HSP90AB1: variants seen among roughly 807,000 people sequenced by gnomAD.
The protein encoded by HSP90AB1 is heat shock protein HSP 90-beta.
A neutral mutation model predicts 67.8 loss-of-function variants in HSP90AB1; 17 were observed. The observed-to-expected ratio is 0.25, with a 90% CI of 0.17 to 0.38. HSP90AB1 has a LOEUF of 0.38. Among genes scored for constraint, HSP90AB1 ranks in the 10% least tolerant of loss-of-function variants. The probability of loss-of-function intolerance (pLI) is 1.00; values close to 1 mark genes in which losing one functional copy is unlikely to be tolerated. For missense variants in HSP90AB1, 690 were observed against 899.9 expected (o/e 0.77, Z 2.98); for synonymous variants, 390 against 312.9 (o/e 1.25, Z -2.60).
In HSP90AB1 at chr6:44,251,258, G is replaced by A. The variant is rs777006494; in HGVS notation, c.1123+45G>A. Reference sequence around the variant, plus strand: ...AATTTAGTTGGGTGAAGTCTTGGGAGGTTTTAGGCATTCTGCTAGGATATT... The same window carrying A: ...AATTTAGTTGGGTGAAGTCTTGGGAAGTTTTAGGCATTCTGCTAGGATATT... On this transcript the variant is annotated intron_variant, in intron 7 of 11. Transcript: ENST00000371646. 6.9e-6 allele frequency: 11 copies of A among 1,601,320 alleles called. No homozygotes were observed. The African/African-American group carries it at 1.1e-4, about 16-fold the overall frequency.
intron 4 of HSP90AB1, 66 bp from the exon 5 acceptor site, chr6:44,249,955 A>G (rs1424306803): frequency 1.3e-6 from 2 of 1,595,490 alleles, no homozygotes; most frequent in African/African-American, 1.3e-5. Flanking sequence ...GCTGATACTT[A>G]CTAATTGCTG....
Position 44,250,012 on chromosome 6 carries a change from C to T in HSP90AB1, c.515-9C>T, listed in dbSNP as rs34093450. The T allele has an allele frequency of 8.8e-3, 14,224 of 1,613,944 alleles. 968 individuals are homozygous for T. The African/African-American group carries it at 0.15, about 17-fold the overall frequency. ...TACCCTGTTACACGCTTGTAATTGA[C>T]TCTTCTAGGTGAGCCCATTGGCAGG... On this transcript the variant is annotated splice_polypyrimidine_tract_variant and intron_variant, in intron 4 of 11. Coordinates refer to ENST00000371646, the MANE Select transcript of HSP90AB1 (RefSeq NM_007355.4).
rs1780284900 is a variant in HSP90AB1, at chr6:44,248,797, AT to A, written c.147+24del. ...CTGATGTAGGTGCTCTGGTTTCCAC[AT>A]TTGGCATGGTTTTTTTTTTTGATAC... On this transcript the variant is annotated intron_variant, in intron 2 of 11. Transcript: ENST00000371646. 1.9e-6 allele frequency: 3 copies of A among 1,538,554 alleles called. No homozygotes were observed. In the East Asian group the frequency reaches 6.8e-5, roughly 35 times the overall value.
At chr6:44,249,893 T>C (rs550912177) in intron 4 of HSP90AB1, 59 bp downstream of exon 4, 2 of 1,589,262 alleles carry the variant, frequency 1.3e-6, no homozygotes, top group East Asian at 4.5e-5. Context: ...CTCACACCAG[T>C]AGCAGAAATT....
In HSP90AB1 at chr6:44,250,355, A is replaced by T. The variant is rs1780487278; in HGVS notation, c.713A>T (p.Glu238Val). 5 of 1,613,710 alleles carry T rather than the reference A, an allele frequency of 3.1e-6. No homozygotes were observed. Among genetic ancestry groups the T allele is most frequent in the Non-Finnish European group, 4.2e-6 (5 of 1,179,758 alleles). ...GCAGAGGAAGAGAAAGGTGAGAAAG[A>T]AGAGGAAGATAAAGATGATGAAGAA... Reference protein sequence around the residue: ...DEAEEEKGEKEEEDKDDEEKP... With the variant: ...DEAEEEKGEKVEEDKDDEEKP... Residue 238 changes from glutamate (E) to valine (V), a missense_variant, in exon 6 of 12, where the codon GAA (glutamate) becomes GTA (valine). Physicochemically the swap from Glu to Val is moderately radical, Grantham distance 121. This residue lies in a region of HSP90AB1 where 146 missense variants were observed against 143.7 expected (regional missense o/e 1.02). Coordinates refer to ENST00000371646, the MANE Select transcript of HSP90AB1 (RefSeq NM_007355.4).
chr6:44,247,907 CCCT>C (rs1210801497), intron 1 of HSP90AB1: 8 of 152,250 alleles, frequency 5.3e-5, no homozygotes, highest in African/African-American at 1.9e-4. Context: ...CTGCGGCGCC[CCCT>C]CCTCGCGTGG....
At position 44,249,524 on chromosome 6, in the gene HSP90AB1, A is replaced by G. The variant is rs765391115; in HGVS notation, c.295A>G (p.Ile99Val). 5.6e-6 allele frequency: 9 copies of G among 1,610,812 alleles called. No homozygotes were observed. The East Asian group carries it at 1.3e-4, about 24-fold the overall frequency. ...CATTGGCATGACCAAAGCTGATCTC[A>G]TAAATAATTTGGGAACCATTGCCAA... ...TGIGMTKADL[I>V]NNLGTIAKSG... Residue 99 changes from isoleucine to valine, a missense_variant, in exon 3 of 12, where the codon ATA becomes GTA. By Grantham distance (29) the Ile-to-Val change is conservative. Around this residue, in one of 7 missense-constraint regions of HSP90AB1, gnomAD observed 88 missense variants for 167.7 expected, o/e 0.52. Transcript: ENST00000371646.
chr6:44,252,992 T>A, intron 10 of HSP90AB1, 53 bp from the exon 11 acceptor site: 2 of 1,480,290 alleles, frequency 1.4e-6, no homozygotes, highest in Non-Finnish European at 1.9e-6. Flanking sequence ...ACAATGCCTG[T>A]TTTCTCTTTC....
chr6:44,253,388 T>C lies in HSP90AB1; in HGVS notation c.2065+10T>C. ...ATCAAGCTAGGTCTAGGTAAGTAGC[T>C]TTGGTACTTGGTGTGGCAAGGAGTT... On this transcript the variant is annotated intron_variant, in intron 11 of 11. Transcript: ENST00000371646. 1 of 1,610,140 alleles carries C rather than the reference T, an allele frequency of 6.2e-7. No individual in the cohort carries two copies. Among genetic ancestry groups the C allele is most frequent in the East Asian group, 2.2e-5 (1 of 44,838 alleles).
chr6:44,250,751 T>TAGTG (rs1425585039), intron 6 of HSP90AB1, 152 bp downstream of exon 6: 17 of 638,428 alleles, frequency 2.7e-5, no homozygotes, highest in Non-Finnish European at 4.5e-5. Flanking sequence ...TACCCTGTCA[T>TAGTG]AGTGAAGTGC....
chr6:44,253,576 C>T lies in HSP90AB1; in HGVS notation c.2153C>T (p.Ser718Phe). The T allele has an allele frequency of 6.2e-7, 1 of 1,613,894 alleles. No homozygotes were observed. Among genetic ancestry groups the T allele is most frequent in the Non-Finnish European group, 8.5e-7 (1 of 1,179,740 alleles). ...IPPLEGDEDASRMEEVD is the reference protein window; with the variant it reads ...IPPLEGDEDAFRMEEVD ...CCTCTCGAGGGCGATGAGGATGCGTCTCGCATGGAAGAAGTCGATTAGGTT... is the reference window on the plus strand; with the variant it reads ...CCTCTCGAGGGCGATGAGGATGCGTTTCGCATGGAAGAAGTCGATTAGGTT... Residue 718 changes from serine to phenylalanine, a missense_variant, in exon 12 of 12, where the codon TCT (serine) becomes TTT (phenylalanine). Ser to Phe is a radical substitution (Grantham distance 155, BLOSUM62 -2). Coordinates refer to ENST00000371646, the MANE Select transcript of HSP90AB1 (RefSeq NM_007355.4).
In HSP90AB1 at chr6:44,250,067, A is replaced by T. The variant is rs765091731; in HGVS notation, c.561A>T (p.Glu187Asp). 18 of 1,614,146 alleles carry T rather than the reference A, an allele frequency of 1.1e-5. No homozygotes were observed. Among genetic ancestry groups the T allele is most frequent in the Middle Eastern group, 1.6e-4 (1 of 6,062 alleles). ...CCAAAGTGATCCTCCATCTTAAAGA[A>T]GATCAGACAGAGTACCTAGAAGAGA... ...RGTKVILHLK[E>D]DQTEYLEERR... Residue 187 changes from glutamate (E) to aspartate (D), a missense_variant, in exon 5 of 12, where the codon GAA becomes GAT. Around this residue, in one of 7 missense-constraint regions of HSP90AB1, gnomAD observed 146 missense variants for 143.7 expected, o/e 1.02. Transcript: ENST00000371646.
rs752819438 is a variant in HSP90AB1, at chr6:44,249,531, A to G, written c.302A>G (p.Asn101Ser). The G allele has an allele frequency of 8.7e-6, 14 of 1,614,052 alleles. No homozygotes were observed. In the East Asian group the frequency reaches 2.9e-4, roughly 33 times the overall value. ...IGMTKADLINNLGTIAKSGTK... is the reference protein window; with the variant it reads ...IGMTKADLINSLGTIAKSGTK... ...ATGACCAAAGCTGATCTCATAAATA[A>G]TTTGGGAACCATTGCCAAGTCTGGT... Residue 101 changes from asparagine to serine, a missense_variant, in exon 3 of 12, where the codon AAT (asparagine) becomes AGT (serine). Coordinates refer to ENST00000371646, the MANE Select transcript of HSP90AB1 (RefSeq NM_007355.4).
Position 44,253,268 on chromosome 6 carries a change from A to G in HSP90AB1, c.1955A>G (p.Lys652Arg). The G allele has an allele frequency of 1.9e-6, 3 of 1,614,232 alleles. No homozygotes were observed. Among genetic ancestry groups the G allele is most frequent in the Non-Finnish European group, 1.7e-6 (2 of 1,180,042 alleles). ...GCCGACAAGAATGATAAGGCAGTTA[A>G]GGACCTGGTGGTGCTGCTGTTTGAA... The part of the protein sequence containing the change: ...AEADKNDKAV[K>R]DLVVLLFETA... The change falls in exon 11 of 12, where the codon AAG becomes AGG. Residue 652 changes from lysine (K) to arginine (R), a missense_variant. Coordinates refer to ENST00000371646, the MANE Select transcript of HSP90AB1 (RefSeq NM_007355.4).
At chr6:44,252,522 G>GTC (rs1780793287) in intron 10 of HSP90AB1, among the ~76,000 whole-genome samples, 1 of 151,702 alleles carries the variant, frequency 6.6e-6, no homozygotes, top group African/African-American at 2.4e-5. Flanking sequence ...TTGAGATGGG[G>GTC]TCTCGCTCTG....
chr6:44,246,411 G>A (rs1779907859), upstream of HSP90AB1: 1 of 152,322 alleles, frequency 6.6e-6, no homozygotes, highest in African/African-American at 2.4e-5. Flanking sequence ...GAGAGGCGGA[G>A]CCTCGCGGGG....
At position 44,248,657 on chromosome 6, in the gene HSP90AB1, G is replaced by C; in HGVS notation, c.28G>C (p.Glu10Gln). The C allele has an allele frequency of 6.2e-7, 1 of 1,613,810 alleles. No individual in the cohort carries two copies. Among genetic ancestry groups the C allele is most frequent in the South Asian group, 1.1e-5 (1 of 91,022 alleles). ...GCCTGAGGAAGTGCACCATGGAGAG[G>C]AGGAGGTGGAGACTTTTGCCTTTCA... MPEEVHHGE[E>Q]EVETFAFQAE... is the part of the protein sequence containing the mutation. Residue 10 changes from glutamate to glutamine, a missense_variant, in exon 2 of 12, where the codon GAG becomes CAG. By Grantham distance (29) the Glu-to-Gln change is conservative (BLOSUM62 2). Transcript: ENST00000371646.
chr6:44,247,618 C>G (rs185903366), intron 1 of HSP90AB1, among the ~76,000 whole-genome samples: 1 of 152,202 alleles, frequency 6.6e-6, no homozygotes, highest in African/African-American at 2.4e-5. Context: ...TTTGTCACCT[C>G]TCTTATCGGA....
Position 44,249,664 on chromosome 6 carries a change from C to T in HSP90AB1, c.355-11C>T, listed in dbSNP as rs1780402684. ...TTTAAAACTTGTGATTGACTTTAAA[C>T]TTGTTGGCAGGCTGGTGCAGACATC... On this transcript the variant is annotated splice_polypyrimidine_tract_variant and intron_variant, in intron 3 of 11. Coordinates refer to ENST00000371646, the MANE Select transcript of HSP90AB1 (RefSeq NM_007355.4). The T allele has an allele frequency of 6.2e-7, 1 of 1,612,124 alleles. No homozygotes were observed. The highest frequency in any genetic ancestry group is 1.3e-5 in the African/African-American group (1 of 74,806).
Sources: allele counts gnomAD v4.1 joint callset (sites outside exome capture counted in the v4.1 genomes callset), GRCh38; gene constraint gnomAD v4.1.1; regional missense constraint gnomAD v4.1.1; transcripts MANE v1.5; gene names NCBI Gene and HGNC (gene_info 2026-07-23, HGNC 2026-07-21).